Variants in CEP97 observed in about 807,000 individuals in gnomAD.
CEP97 encodes the protein centrosomal protein 97.
In CEP97, 43 loss-of-function variants were observed where a neutral mutation model predicts 73.1. The observed-to-expected ratio is 0.59, with a 90% CI of 0.46 to 0.76. CEP97 has a LOEUF of 0.76. Among genes scored for constraint, CEP97 ranks in the 30% least tolerant of loss-of-function variants. The pLI is 0.00. For synonymous variants in CEP97, 337 were observed against 370.0 expected, an observed-to-expected ratio of 0.91 and a Z score of 1.02; for missense variants, 939 against 1,014.0, an observed-to-expected ratio of 0.93 and a Z score of 1.00.
chr3:101,727,939 G>A lies in CEP97; in HGVS notation c.345+398G>A, dbSNP rs62284187. ...TGGGTAAATTAATACATATTTCTGC[G>A]TCTTATTTTTTGGCATGCTAGCTGA... On this transcript the variant is annotated intron_variant, in intron 3 of 10. Coordinates refer to ENST00000341893, the MANE Select transcript of CEP97 (RefSeq NM_024548.4). Among the ~76,000 whole-genome samples, 51 of 152,150 alleles carry A rather than the reference G, an allele frequency of 3.4e-4. 1 individual carries two copies. Among genetic ancestry groups the A allele is most frequent in the African/African-American group, 9.2e-4 (38 of 41,506 alleles).
At chr3:101,750,366 G>A (rs1218690164) in intron 6 of CEP97, among the ~76,000 whole-genome samples, 1 of 151,226 alleles carries the variant, frequency 6.6e-6, no homozygotes, top group South Asian at 2.1e-4. Flanking sequence ...CTCTGTTTTG[G>A]TACCAGTACC....
At chr3:101,724,807 C>G in intron 1 of CEP97, 88 bp downstream of exon 1, 1 of 1,356,924 alleles carries the variant, frequency 7.4e-7, no homozygotes, top group South Asian at 1.2e-5. Context: ...TTTAGATGTG[C>G]AGTTCTGGAC....
chr3:101,727,092 A>T (rs954078019), intron 2 of CEP97, among the ~76,000 whole-genome samples: 1 of 152,172 alleles, frequency 6.6e-6, no homozygotes, highest in African/African-American at 2.4e-5. Flanking sequence ...CTGAGAGTTT[A>T]ACAGCACTAT....
chr3:101,728,832 A>G lies in CEP97; in HGVS notation c.346-4A>G. The stretch of plus-strand genomic sequence containing the variant: ...TAAATAGTGTGATGCTTTTCTTGTG[A>G]TAGGCCATGGAACAGATCAATAGCT... On this transcript the variant is annotated splice_polypyrimidine_tract_variant and splice_region_variant and intron_variant, in intron 3 of 10. Transcript: ENST00000341893. The G allele has an allele frequency of 6.4e-7, 1 of 1,574,332 alleles. No individual in the cohort carries two copies.
chr3:101,738,120 A>G (rs1009404980), intron 6 of CEP97, among the ~76,000 whole-genome samples: 6 of 152,116 alleles, frequency 3.9e-5, no homozygotes, highest in Non-Finnish European at 7.4e-5. Flanking sequence ...ACATAATGGT[A>G]AAGGGATCAA....
intron 6 of CEP97, among the ~76,000 whole-genome samples, chr3:101,747,537 G>A (rs1456479740): frequency 6.7e-6 from 1 of 149,570 alleles, no homozygotes; most frequent in Non-Finnish European, 1.5e-5. Context: ...GGGATTACAG[G>A]CGTGAGCCAC....
chr3:101,747,570 T>TG (rs1251522494), intron 6 of CEP97, among the ~76,000 whole-genome samples: 50 of 150,856 alleles, frequency 3.3e-4, no homozygotes, highest in African/African-American at 1.1e-3. Context: ...TCCTTTTTTT[T>TG]TTTTTGAGAC....
chr3:101,725,412 C>T (rs2095471660), intron 1 of CEP97, among the ~76,000 whole-genome samples: 2 of 152,256 alleles, frequency 1.3e-5, no homozygotes, highest in South Asian at 2.1e-4. Context: ...TCCTCTAAAT[C>T]GGGGACAGGG....
In CEP97 at chr3:101,765,198, G is replaced by A. The variant is rs1395454088; in HGVS notation, c.2245G>A (p.Gly749Arg). Residue 749 changes from glycine to arginine, a missense_variant, in exon 11 of 11, where the codon GGG (glycine) becomes AGG (arginine). Gly to Arg is a moderately radical substitution (Grantham distance 125). Coordinates refer to ENST00000341893, the MANE Select transcript of CEP97 (RefSeq NM_024548.4). ...CAGATATGGCAAAGAATCAGATTTA[G>A]GGGATGTTAGTGAAGAACATGGTGA... The part of the protein sequence containing the change: ...TVRYGKESDL[G>R]DVSEEHGEWN... 2 of 1,614,196 alleles carry A rather than the reference G, an allele frequency of 1.2e-6. No individual in the cohort carries two copies. Among genetic ancestry groups the A allele is most frequent in the Non-Finnish European group, 1.7e-6 (2 of 1,180,034 alleles).
In CEP97 at chr3:101,726,745, T is replaced by C; in HGVS notation, c.186+9T>C. The C allele has an allele frequency of 6.3e-7, 1 of 1,577,844 alleles. No individual in the cohort carries two copies. Among genetic ancestry groups the C allele is most frequent in the Non-Finnish European group, 8.6e-7 (1 of 1,160,450 alleles). On this transcript the variant is annotated intron_variant, in intron 2 of 10. Coordinates refer to ENST00000341893, the MANE Select transcript of CEP97 (RefSeq NM_024548.4). ...GCAAACGATTAATACAGGTAGGTAT[T>C]GCAATCTGGGAAATGGTTACATAGG...
At chr3:101,731,692 T>C (rs191728314) in intron 4 of CEP97, 148 bp from the exon 5 acceptor site, 2 of 567,652 alleles carry the variant, frequency 3.5e-6, no homozygotes, top group East Asian at 6.1e-5. Flanking sequence ...AGGACCCTTG[T>C]AGCATTAACA....
chr3:101,731,704 T>C, intron 4 of CEP97, 136 bp from the exon 5 acceptor site: 1 of 591,830 alleles, frequency 1.7e-6, no homozygotes, highest in Non-Finnish European at 3.0e-6. Context: ...GCATTAACAG[T>C]CTTTGATTTG....
chr3:101,760,511 T>C (rs1939142244), intron 9 of CEP97, among the ~76,000 whole-genome samples: 1 of 152,040 alleles, frequency 6.6e-6, no homozygotes, highest in African/African-American at 2.4e-5. Flanking sequence ...GAGCTGAAGA[T>C]ATTTGAGAGG....
At chr3:101,745,797 C>T (rs1183716205) in intron 6 of CEP97, among the ~76,000 whole-genome samples, 2 of 151,482 alleles carry the variant, frequency 1.3e-5, no homozygotes, top group Non-Finnish European at 2.9e-5. Context: ...GGTACATGTG[C>T]ACAATGTGCA....
chr3:101,745,512 C>T (rs1033156958), intron 6 of CEP97, among the ~76,000 whole-genome samples: 5 of 151,206 alleles, frequency 3.3e-5, no homozygotes, highest in African/African-American at 1.2e-4. Flanking sequence ...TGGATCCTCC[C>T]GCCTCAGCCT....
At chr3:101,728,693 C>A in intron 3 of CEP97, 143 bp from the exon 4 acceptor site, 1 of 621,282 alleles carries the variant, frequency 1.6e-6, no homozygotes. Flanking sequence ...GTTAGTACTG[C>A]CCCTTTTCTC....
chr3:101,737,220 G>A (rs964840461), intron 6 of CEP97, among the ~76,000 whole-genome samples: 2 of 152,184 alleles, frequency 1.3e-5, no homozygotes, highest in African/African-American at 2.4e-5. Context: ...CGTTTTATTG[G>A]TGTACCTGAA....
At position 101,726,623 on chromosome 3, in the gene CEP97, C is replaced by T; in HGVS notation, c.73C>T (p.Leu25=). ...AGTGGTCAATTGGTCAGGACAGGGA[C>T]TACAGAAATTAGGTCCAAATTTACC... ...GSVVNWSGQG[L]QKLGPNLPCE... is the part of the protein sequence containing the mutation. The change falls in exon 2 of 11, where the codon CTA becomes TTA. Residue 25 remains leucine, a synonymous_variant. Transcript: ENST00000341893. The T allele has an allele frequency of 6.2e-7, 1 of 1,611,240 alleles. No individual in the cohort carries two copies. Among genetic ancestry groups the T allele is most frequent in the Non-Finnish European group, 8.5e-7 (1 of 1,178,564 alleles).
chr3:101,743,406 A>AT (rs1938516140), intron 6 of CEP97, among the ~76,000 whole-genome samples: 2 of 151,598 alleles, frequency 1.3e-5, no homozygotes. Flanking sequence ...ATATATATAT[A>AT]TTTTTTGAAG....
Sources: allele counts gnomAD v4.1 joint callset (sites outside exome capture counted in the v4.1 genomes callset), GRCh38; gene constraint gnomAD v4.1.1; transcripts MANE v1.5; gene names NCBI Gene and HGNC (gene_info 2026-07-23, HGNC 2026-07-21).